DNM3: variants seen among roughly 807,000 people sequenced by gnomAD.
The protein encoded by DNM3 is dynamin-3.
DNM3 carries 47 observed loss-of-function variants against 101.6 expected under a neutral mutation model. That is an observed-to-expected ratio of 0.46 (90% CI 0.37 to 0.59). The LOEUF (loss-of-function observed/expected upper bound fraction) is 0.59, where lower values mean the gene tolerates loss of function less well. Among genes scored for constraint, DNM3 ranks in the 20% least tolerant of loss-of-function variants. DNM3 has a pLI of 0.00. For synonymous variants in DNM3, 385 were observed against 387.9 expected (o/e 0.99, Z 0.09); for missense variants, 849 against 1,085.7 (o/e 0.78, Z 3.06).
chr1:171,949,558 T>G (rs2042374174), intron 2 of DNM3, among the ~76,000 whole-genome samples: 1 of 151,984 alleles, frequency 6.6e-6, no homozygotes, highest in African/African-American at 2.4e-5. Context: ...CACAGGCACA[T>G]GCCAGCATGC....
intron 2 of DNM3, among the ~76,000 whole-genome samples, chr1:171,975,112 C>T (rs556686121): frequency 6.6e-6 from 1 of 152,184 alleles, no homozygotes; most frequent in South Asian, 2.1e-4. Context: ...ATGTCTTGGC[C>T]TCCCAAAGCA....
At chr1:172,129,798 C>T (rs1572637455) in intron 13 of DNM3, among the ~76,000 whole-genome samples, 1 of 152,164 alleles carries the variant, frequency 6.6e-6, no homozygotes, top group East Asian at 1.9e-4. Flanking sequence ...GGGGACATAG[C>T]TAAACTATAT....
intron 1 of DNM3, among the ~76,000 whole-genome samples, chr1:171,906,680 T>C (rs2038864655): frequency 6.6e-6 from 1 of 152,184 alleles, no homozygotes; most frequent in Non-Finnish European, 1.5e-5. Flanking sequence ...CATAAAAAAT[T>C]CTTAACTTAC....
At position 172,092,842 on chromosome 1, in the gene DNM3, T is replaced by C. The variant is rs377283187; in HGVS notation, c.1512T>C (p.Ser504=). Residue 504 remains serine, a synonymous_variant, in exon 13 of 21, where the codon AGT becomes AGC. Transcript: ENST00000627582. ...IGFANAQQRS[S]QVHKKTTVGN... ...TTCTCAGTGCTCAGCAGAGGAGCAG[T>C]CAGGTTCACAAGAAAACCACAGTTG... is the stretch of plus-strand genomic sequence containing the variant. 3.2e-5 allele frequency: 50 copies of C among 1,559,390 alleles called. No individual in the cohort carries two copies. The highest frequency in any genetic ancestry group is 5.4e-5 in the African/African-American group (4 of 73,494).
intron 20 of DNM3, among the ~76,000 whole-genome samples, chr1:172,391,904 G>A (rs2069558237): frequency 6.6e-6 from 1 of 152,150 alleles, no homozygotes; most frequent in Non-Finnish European, 1.5e-5. Context: ...CTTGTGCATA[G>A]TTTTCTTCTG....
At chr1:172,058,773 A>G (rs1032445266) in intron 10 of DNM3, among the ~76,000 whole-genome samples, 1 of 151,634 alleles carries the variant, frequency 6.6e-6, no homozygotes, top group Non-Finnish European at 1.5e-5. Context: ...CCCTAACATC[A>G]CAATTAAAAG....
intron 4 of DNM3, among the ~76,000 whole-genome samples, chr1:172,008,628 T>A (rs1344101372): frequency 1.3e-5 from 2 of 150,686 alleles, no homozygotes; most frequent in African/African-American, 4.9e-5. Context: ...TCAAAGTTCA[T>A]TATTTTTCAT....
intron 1 of DNM3, among the ~76,000 whole-genome samples, chr1:171,899,458 A>G (rs536936280): frequency 1.2e-4 from 19 of 152,200 alleles, no homozygotes; most frequent in South Asian, 4.1e-4. Flanking sequence ...GTAAAATAGG[A>G]AAGTAAGTAC....
intron 15 of DNM3, among the ~76,000 whole-genome samples, chr1:172,275,164 C>T (rs956167753): frequency 1.3e-5 from 2 of 151,934 alleles, no homozygotes; most frequent in Non-Finnish European, 2.9e-5. Flanking sequence ...CAGGTAGAAC[C>T]ATTCAAAGTG....
intron 4 of DNM3, among the ~76,000 whole-genome samples, chr1:172,029,812 A>G (rs1330491651): frequency 6.6e-6 from 1 of 152,174 alleles, no homozygotes; most frequent in Non-Finnish European, 1.5e-5. Context: ...CATGATTGCT[A>G]CAAAGAGAAT....
chr1:171,996,214 G>A (rs911739651), intron 4 of DNM3, among the ~76,000 whole-genome samples: 3 of 152,126 alleles, frequency 2.0e-5, no homozygotes, highest in Non-Finnish European at 4.4e-5. Context: ...GTTTTACTGA[G>A]TAGAAGAGGG....
Position 172,411,828 on chromosome 1 carries a change from TG to T in DNM3, c.*3988del. The T allele has an allele frequency of 5.1e-6, 5 of 985,742 alleles. No individual in the cohort carries two copies. The highest frequency in any genetic ancestry group is 6.0e-6 in the Non-Finnish European group (5 of 829,838). The allele number at this position is 985,742 out of a possible 1,614,324, so 61.1% of individuals were successfully genotyped here. A position where few individuals can be genotyped will look rare whatever the true frequency, so the allele number is the denominator to read the frequency against. On this transcript the variant is annotated 3_prime_UTR_variant, in exon 21 of 21. Coordinates refer to ENST00000627582, the MANE Select transcript of DNM3 (RefSeq NM_015569.5). ...ATTTCAATTAGAAGACTACTAGCTG[TG>T]AGCTCAGAGTTTAATGTAAATGAAT...
intron 1 of DNM3, among the ~76,000 whole-genome samples, chr1:171,852,372 T>C (rs949987894): frequency 1.3e-5 from 2 of 152,224 alleles, no homozygotes; most frequent in African/African-American, 4.8e-5. Flanking sequence ...TGAAAATTCT[T>C]TTAGCAGATG....
At chr1:172,090,188 C>T (rs138270530) in intron 12 of DNM3, among the ~76,000 whole-genome samples, 1,600 of 152,268 alleles carry the variant, frequency 0.011, 21 homozygotes, top group Middle Eastern at 0.024. Context: ...AACATTACTC[C>T]TAAAACACAA....
At chr1:172,303,056 C>T (rs1174209574) in intron 15 of DNM3, among the ~76,000 whole-genome samples, 1 of 152,140 alleles carries the variant, frequency 6.6e-6, no homozygotes, top group Non-Finnish European at 1.5e-5. Context: ...AAGTAGGCCT[C>T]AGAAGGTCAG....
chr1:171,845,363 A>G (rs1470039003), intron 1 of DNM3, among the ~76,000 whole-genome samples: 1 of 152,194 alleles, frequency 6.6e-6, no homozygotes, highest in Non-Finnish European at 1.5e-5. Flanking sequence ...AGTCTGGGCA[A>G]CGTAGTGAGA....
chr1:171,859,968 G>C (rs959238739), intron 1 of DNM3, among the ~76,000 whole-genome samples: 4 of 152,170 alleles, frequency 2.6e-5, no homozygotes, highest in Non-Finnish European at 5.9e-5. Flanking sequence ...GCTCAGTCGA[G>C]AGGGAGAAAT....
At chr1:172,218,577 G>T (rs575230250) in intron 14 of DNM3, among the ~76,000 whole-genome samples, 1 of 152,096 alleles carries the variant, frequency 6.6e-6, no homozygotes, top group African/African-American at 2.4e-5. Context: ...ATAGAAACGT[G>T]GGGGTTTGTG....
intron 9 of DNM3, among the ~76,000 whole-genome samples, chr1:172,047,825 G>C (rs944715648): frequency 1.3e-5 from 2 of 151,934 alleles, no homozygotes; most frequent in Admixed American, 1.3e-4. Context: ...GGAGGGGAGA[G>C]AAGAGGGCCT....
Sources: gnomAD v4.1 joint callset for allele counts (sites outside exome capture counted in the v4.1 genomes callset) on GRCh38, gnomAD v4.1.1 for gene constraint, MANE v1.5 for transcripts, NCBI Gene and HGNC (gene_info 2026-07-23, HGNC 2026-07-21) for gene names.